The following FBXW11 variants were observed in gnomAD, a reference collection of about 807,000 sequenced individuals.
FBXW11 encodes the protein F-box and WD repeat domain containing 11.
FBXW11 carries 19 observed loss-of-function variants against 77.6 expected under a neutral mutation model. The ratio of observed to expected loss-of-function variants is 0.24; its 90% confidence interval spans 0.17 to 0.36. The LOEUF is 0.36. FBXW11 is among the 10% of genes least tolerant of loss of function. FBXW11 has a pLI of 1.00. For synonymous variants in FBXW11, 235 were observed against 249.4 expected (o/e 0.94, Z 0.54); for missense variants, 334 against 704.2 (o/e 0.47, Z 5.95).
chr5:171,918,260 G>C (rs1561682838), intron 2 of FBXW11, among the ~76,000 whole-genome samples: 1 of 151,948 alleles, frequency 6.6e-6, no homozygotes, highest in Non-Finnish European at 1.5e-5. Context: ...GCAGATAAGG[G>C]ATACTCAATC....
At chr5:172,002,191 T>C (rs1352740214) in intron 1 of FBXW11, among the ~76,000 whole-genome samples, 1 of 152,160 alleles carries the variant, frequency 6.6e-6, no homozygotes, top group Non-Finnish European at 1.5e-5. Flanking sequence ...CTGTTGTGAA[T>C]CTATGTAATG....
chr5:171,914,534 G>T, intron 2 of FBXW11, 129 bp from the exon 3 acceptor site: 1 of 637,838 alleles, frequency 1.6e-6, no homozygotes, highest in Non-Finnish European at 2.5e-6. Context: ...TGGCTTTGTG[G>T]CTAACACATG....
At chr5:171,864,635 C>T (rs1396828808) in intron 13 of FBXW11, among the ~76,000 whole-genome samples, 1 of 152,082 alleles carries the variant, frequency 6.6e-6, no homozygotes, top group East Asian at 1.9e-4. Flanking sequence ...AAATTACTTC[C>T]TTTTTAATAA....
chr5:171,966,694 A>T (rs2113383695), intron 1 of FBXW11, among the ~76,000 whole-genome samples: 1 of 152,328 alleles, frequency 6.6e-6, no homozygotes, highest in Non-Finnish European at 1.5e-5. Context: ...ACACCTAAGT[A>T]CATCTGGGCC....
intron 2 of FBXW11, among the ~76,000 whole-genome samples, chr5:171,932,656 T>A (rs1218889440): frequency 2.0e-5 from 3 of 152,150 alleles, no homozygotes; most frequent in East Asian, 1.9e-4. Flanking sequence ...CTTACAAAAC[T>A]ATATATACTC....
chr5:171,991,694 C>T (rs760208172), intron 1 of FBXW11, among the ~76,000 whole-genome samples: 16 of 152,294 alleles, frequency 1.1e-4, no homozygotes, highest in Middle Eastern at 3.4e-3. Flanking sequence ...ACATAAGATA[C>T]GTTCTCAAAA....
intron 7 of FBXW11, among the ~76,000 whole-genome samples, chr5:171,888,581 C>A (rs1254487733): frequency 3.3e-5 from 5 of 152,200 alleles, no homozygotes; most frequent in Non-Finnish European, 7.3e-5. Flanking sequence ...CACACTTACC[C>A]AAAAACATTG....
intron 2 of FBXW11, among the ~76,000 whole-genome samples, chr5:171,942,577 A>C (rs981720073): frequency 2.0e-5 from 3 of 152,230 alleles, no homozygotes; most frequent in African/African-American, 7.2e-5. Context: ...AAGCAGGCAG[A>C]TCACTTGAGC....
intron 2 of FBXW11, among the ~76,000 whole-genome samples, chr5:171,915,098 T>C (rs538577428): frequency 2.0e-5 from 3 of 152,326 alleles, no homozygotes; most frequent in South Asian, 2.1e-4. Context: ...TTATACATGA[T>C]TGGATTTTCC....
intron 7 of FBXW11, among the ~76,000 whole-genome samples, chr5:171,887,552 G>A (rs1036628884): frequency 6.6e-6 from 1 of 152,108 alleles, no homozygotes; most frequent in African/African-American, 2.4e-5. Context: ...ACTCTGAAAA[G>A]TAAGGGGAAA....
intron 1 of FBXW11, among the ~76,000 whole-genome samples, chr5:171,992,506 G>T (rs1414598531): frequency 4.0e-5 from 6 of 151,268 alleles, no homozygotes; most frequent in Admixed American, 6.6e-5. Context: ...AAAAGAGAGA[G>T]AAAGAAAGAG....
chr5:171,909,684 GAT>G (rs1491576731), intron 4 of FBXW11, among the ~76,000 whole-genome samples: 4 of 151,010 alleles, frequency 2.6e-5, no homozygotes, highest in Admixed American at 1.3e-4. Flanking sequence ...AATTTAACCA[GAT>G]GTGTGTGTGT....
rs746019925 is a variant in FBXW11 at position 171,870,756 on chromosome 5, G to A, written c.1443C>T (p.Ala481=). 6.2e-7 allele frequency: 1 copy of A among 1,611,002 alleles called. No individual in the cohort carries two copies. Among genetic ancestry groups the A allele is most frequent in the Non-Finnish European group, 8.5e-7 (1 of 1,177,308 alleles). The change falls in exon 11 of 14, where the codon GCC becomes GCT. Residue 481 remains alanine, a synonymous_variant. Transcript: ENST00000517395. Reference sequence around the variant, plus strand: ...AAATCTGAAAGACATACCCATCATAGGCCCCACTGACAATCCTCTTGTTAT... The same window carrying A: ...AAATCTGAAAGACATACCCATCATAAGCCCCACTGACAATCCTCTTGTTAT... ...RFDNKRIVSG[A]YDGKIKVWDL... is the part of the protein sequence containing the mutation.
At chr5:171,899,825 A>C (rs1385079728) in intron 5 of FBXW11, 89 bp downstream of exon 5, 1 of 1,194,194 alleles carries the variant, frequency 8.4e-7, no homozygotes, top group African/African-American at 1.5e-5. Flanking sequence ...AGGCCAGCAC[A>C]TTTGCAAGTA....
chr5:171,976,281 A>G (rs969908755), intron 1 of FBXW11, among the ~76,000 whole-genome samples: 7 of 152,150 alleles, frequency 4.6e-5, no homozygotes, highest in African/African-American at 1.7e-4. Context: ...AATTTTCAGG[A>G]TCAAGTCAAT....
At chr5:171,913,836 C>CAT (rs747341430) in intron 3 of FBXW11, among the ~76,000 whole-genome samples, 14,112 of 137,808 alleles carry the variant, frequency 0.1, 1,012 homozygotes, top group East Asian at 0.18. Context: ...CACACACACA[C>CAT]ACACACACAC....
chr5:171,895,880 G>A (rs1759707955), intron 6 of FBXW11, among the ~76,000 whole-genome samples: 1 of 152,196 alleles, frequency 6.6e-6, no homozygotes, highest in African/African-American at 2.4e-5. Context: ...CTTCTTTTAG[G>A]AGCGAGCCTC....
chr5:171,883,068 G>A (rs1758632342), intron 7 of FBXW11, among the ~76,000 whole-genome samples: 2 of 152,088 alleles, frequency 1.3e-5, no homozygotes, highest in African/African-American at 4.8e-5. Context: ...ACTTTGCTTA[G>A]AATAACAGTC....
intron 7 of FBXW11, among the ~76,000 whole-genome samples, chr5:171,888,706 G>C (rs942178995): frequency 4.6e-5 from 7 of 152,174 alleles, no homozygotes; most frequent in African/African-American, 1.7e-4. Flanking sequence ...AATCTCAGGG[G>C]ACTGGACAAT....
Sources: allele counts gnomAD v4.1 joint callset (sites outside exome capture counted in the v4.1 genomes callset), GRCh38; gene constraint gnomAD v4.1.1; transcripts MANE v1.5; gene names NCBI Gene and HGNC (gene_info 2026-07-23, HGNC 2026-07-21).